Variants in RIMS1 observed in about 807,000 individuals in gnomAD.
RIMS1 encodes regulating synaptic membrane exocytosis protein 1.
Under a neutral mutation model 214.1 loss-of-function variants are expected in RIMS1, and 83 were observed. The observed-to-expected ratio is 0.39, with a 90% CI of 0.32 to 0.47. The LOEUF (loss-of-function observed/expected upper bound fraction) is 0.47. Among genes scored for constraint, RIMS1 ranks in the 20% least tolerant of loss-of-function variants. The pLI is 0.99. For missense variants in RIMS1, 2,050 were observed against 2,161.8 expected, an observed-to-expected ratio of 0.95 and a Z score of 1.03; for synonymous variants, 793 against 786.8, an observed-to-expected ratio of 1.01 and a Z score of -0.13.
chr6:72,009,072 A>G (rs988141361), intron 2 of RIMS1, among the ~76,000 whole-genome samples: 3 of 152,184 alleles, frequency 2.0e-5, no homozygotes, highest in African/African-American at 7.2e-5. Context: ...ACATAGTTGG[A>G]AGTAAAGCTC....
intron 31 of RIMS1, among the ~76,000 whole-genome samples, chr6:72,394,531 A>G (rs2098751293): frequency 6.6e-6 from 1 of 152,128 alleles, no homozygotes; most frequent in African/African-American, 2.4e-5. Context: ...AAAGGAAAAT[A>G]TAAGTATAGT....
chr6:72,154,059 C>A (rs974539225), intron 4 of RIMS1, among the ~76,000 whole-genome samples: 1 of 152,032 alleles, frequency 6.6e-6, no homozygotes, highest in African/African-American at 2.4e-5. Flanking sequence ...AATATCTCTG[C>A]TTAGCAGAGT....
At chr6:71,888,089 G>A (rs896392404) in intron 1 of RIMS1, among the ~76,000 whole-genome samples, 1 of 152,228 alleles carries the variant, frequency 6.6e-6, no homozygotes, top group African/African-American at 2.4e-5. Flanking sequence ...ATGGGGAGAA[G>A]ATGGGACTAC....
chr6:72,121,455 T>G (rs2038286013), intron 4 of RIMS1, among the ~76,000 whole-genome samples: 1 of 151,884 alleles, frequency 6.6e-6, no homozygotes, highest in Non-Finnish European at 1.5e-5. Flanking sequence ...TCTCTGTTTG[T>G]CTGTTGTTGG....
chr6:71,887,364 G>A (rs1300774954), intron 1 of RIMS1, among the ~76,000 whole-genome samples, 177 bp downstream of exon 1: 1 of 152,170 alleles, frequency 6.6e-6, no homozygotes, highest in Non-Finnish European at 1.5e-5. Context: ...GAGGTCAGGG[G>A]ACCGGAGGAG....
At chr6:71,991,901 TA>T (rs762390637) in intron 2 of RIMS1, among the ~76,000 whole-genome samples, 2 of 151,966 alleles carry the variant, frequency 1.3e-5, no homozygotes, top group African/African-American at 4.8e-5. Flanking sequence ...CTGTCTCTAA[TA>T]AAAATACAAA....
At chr6:72,377,475 G>A (rs2098410667) in intron 29 of RIMS1, among the ~76,000 whole-genome samples, 1 of 152,078 alleles carries the variant, frequency 6.6e-6, no homozygotes, top group Non-Finnish European at 1.5e-5. Flanking sequence ...CATCCTCTTG[G>A]CCCCCTCTTG....
intron 4 of RIMS1, among the ~76,000 whole-genome samples, chr6:72,121,176 C>A (rs1400576358): frequency 6.6e-6 from 1 of 151,786 alleles, no homozygotes; most frequent in African/African-American, 2.4e-5. Flanking sequence ...GTAGTTTTTT[C>A]CAATTCTGTG....
intron 4 of RIMS1, among the ~76,000 whole-genome samples, chr6:72,106,548 G>T (rs1247815375): frequency 6.6e-6 from 1 of 152,194 alleles, no homozygotes; most frequent in Non-Finnish European, 1.5e-5. Context: ...AGGAGAAGAT[G>T]CACTTGACGG....
intron 4 of RIMS1, among the ~76,000 whole-genome samples, chr6:72,146,062 A>G (rs753108598): frequency 5.3e-5 from 8 of 152,220 alleles, no homozygotes; most frequent in Non-Finnish European, 1.0e-4. Flanking sequence ...GCAATATTTT[A>G]AGCAAAAAGT....
intron 4 of RIMS1, among the ~76,000 whole-genome samples, chr6:72,169,977 A>G (rs2046801463): frequency 6.6e-6 from 1 of 152,184 alleles, no homozygotes. Context: ...ATTACTCATC[A>G]TAAAAGTCAA....
intron 1 of RIMS1, among the ~76,000 whole-genome samples, chr6:71,939,520 G>A (rs565558531): frequency 6.6e-6 from 1 of 152,158 alleles, no homozygotes; most frequent in Admixed American, 6.5e-5. Context: ...TCACAGACTA[G>A]ATAATTTATT....
At position 72,305,664 on chromosome 6, in the gene RIMS1, G is replaced by A. The variant is rs376780646; in HGVS notation, c.3851-1594G>A. On this transcript the variant is annotated intron_variant, in intron 26 of 33. Transcript: ENST00000521978. ...AATTACTCTTACATAGCATTTTACT[G>A]TATAATACTCCTTTTAACTCCTTAT... 3.3e-5 allele frequency among the ~76,000 whole-genome samples: 5 copies of A among 152,146 alleles called. No individual in the cohort carries two copies. In the South Asian group the frequency reaches 8.3e-4, roughly 25 times the overall value.
intron 19 of RIMS1, chr6:72,263,108 TGTTTCACC>T: frequency 1.0e-6 from 1 of 983,512 alleles, no homozygotes; most frequent in Non-Finnish European, 1.2e-6. Context: ...TCCTATGAGA[TGTTTCACC>T]AATAAGAGTT....
intron 24 of RIMS1, among the ~76,000 whole-genome samples, chr6:72,285,375 A>G (rs1329053870): frequency 6.6e-6 from 1 of 152,216 alleles, no homozygotes; most frequent in Non-Finnish European, 1.5e-5. Flanking sequence ...TAACAGATAT[A>G]TACCAACTAT....
chr6:72,074,802 A>G (rs942564045), intron 2 of RIMS1, among the ~76,000 whole-genome samples: 1 of 152,228 alleles, frequency 6.6e-6, no homozygotes, highest in Non-Finnish European at 1.5e-5. Context: ...TGTAAACAGT[A>G]AGTACTTTCC....
intron 29 of RIMS1, among the ~76,000 whole-genome samples, chr6:72,347,199 C>T (rs978457848): frequency 6.6e-6 from 1 of 151,782 alleles, no homozygotes; most frequent in Non-Finnish European, 1.5e-5. Context: ...AAATTGATAC[C>T]TGGCTTAGCT....
intron 2 of RIMS1, among the ~76,000 whole-genome samples, chr6:72,074,664 C>G (rs920419326): frequency 2.0e-5 from 3 of 152,046 alleles, no homozygotes; most frequent in African/African-American, 7.2e-5. Context: ...GATCCTGCCT[C>G]CAAAGGGGAA....
chr6:72,162,091 T>C (rs2045519034), intron 4 of RIMS1, among the ~76,000 whole-genome samples: 1 of 140,930 alleles, frequency 7.1e-6, no homozygotes, highest in African/African-American at 2.5e-5. Flanking sequence ...TGCACATATA[T>C]TTAGGATAGT....
Sources: allele counts gnomAD v4.1 joint callset (sites outside exome capture counted in the v4.1 genomes callset), GRCh38; gene constraint gnomAD v4.1.1; transcripts MANE v1.5; gene names NCBI Gene and HGNC (gene_info 2026-07-23, HGNC 2026-07-21).